The following ABCA13 variants were observed in gnomAD, a reference collection of about 807,000 sequenced individuals.
The protein encoded by ABCA13 is ATP-binding cassette sub-family A member 13.
A neutral mutation model predicts 478.7 loss-of-function variants in ABCA13; 476 were observed. The ratio of observed to expected loss-of-function variants is 0.99; its 90% CI spans 0.92 to 1.07. ABCA13 has a LOEUF of 1.07. Ranked by LOEUF, ABCA13 falls within the 50% of genes least tolerant of loss-of-function variation. ABCA13 has a pLI of 0.00. For missense variants in ABCA13, 6,060 were observed against 5,910.6 expected, an observed-to-expected ratio of 1.03 and a Z score of -0.83; for synonymous variants, 2,252 against 2,158.9, an observed-to-expected ratio of 1.04 and a Z score of -1.20.
intron 1 of ABCA13, among the ~76,000 whole-genome samples, chr7:48,180,249 C>G (rs551850943): frequency 1.3e-5 from 2 of 152,306 alleles, no homozygotes; most frequent in South Asian, 4.1e-4. Context: ...TCCAGCAGAG[C>G]CTTGAACTCC....
intron 27 of ABCA13, among the ~76,000 whole-genome samples, chr7:48,331,641 C>T (rs954587252): frequency 6.6e-6 from 1 of 152,180 alleles, no homozygotes; most frequent in African/African-American, 2.4e-5. Context: ...GTGTACCCTT[C>T]ACTGGGTTTC....
In ABCA13 at chr7:48,269,202, G is replaced by A. The variant is rs181040318; in HGVS notation, c.2120+108G>A. The A allele has an allele frequency of 8.7e-3, 5,463 of 626,374 alleles. 48 individuals carry two copies. The highest frequency in any genetic ancestry group is 0.016 in the South Asian group (758 of 48,226). 38.8% of individuals were successfully genotyped at this position (626,374 alleles called of 1,614,324 possible). A position where few individuals can be genotyped will look rare whatever the true frequency, so the allele number is the denominator to read the frequency against. On this transcript the variant is annotated intron_variant, in intron 16 of 61. Transcript: ENST00000435803. ...CTTTAAAATTTATGAGCCTGATTTA[G>A]ATATTGACACAATCTTTCATATGAG...
At position 48,387,860 on chromosome 7, in the gene ABCA13, A is replaced by G; in HGVS notation, c.11374A>G (p.Thr3792Ala). ...GLRKPWYFPF[T>A]ASYWKSVGFL... ...ACGGAAACCATGGTATTTCCCCTTT[A>G]CTGCCTCATATTGGAAGAGTGTGGG... The change falls in exon 36 of 62, where the codon ACT (threonine) becomes GCT (alanine). Residue 3792 changes from threonine to alanine, a missense_variant. Physicochemically the swap from Thr to Ala is moderately conservative, Grantham distance 58. Transcript: ENST00000435803. The G allele has an allele frequency of 1.2e-6, 2 of 1,608,874 alleles. No homozygotes were observed. The highest frequency in any genetic ancestry group is 8.5e-7 in the Non-Finnish European group (1 of 1,178,106).
At chr7:48,194,058 TG>T (rs376199192) in intron 2 of ABCA13, among the ~76,000 whole-genome samples, 9,403 of 18,010 alleles carry the variant, frequency 0.52, 4,699 homozygotes, top group Admixed American at 0.59. Flanking sequence ...GTGATGATGA[TG>T]ATGATGATGA....
intron 59 of ABCA13, among the ~76,000 whole-genome samples, chr7:48,633,193 C>G (rs986001174): frequency 3.9e-5 from 6 of 152,018 alleles, no homozygotes; most frequent in Non-Finnish European, 7.4e-5. Context: ...AGATAGATAG[C>G]TGTAGATATA....
chr7:48,453,744 C>T (rs1479704324), intron 42 of ABCA13, among the ~76,000 whole-genome samples: 1 of 152,210 alleles, frequency 6.6e-6, no homozygotes, highest in Non-Finnish European at 1.5e-5. Context: ...CAAGGACTCA[C>T]TCCTTGGTAC....
At chr7:48,287,002 T>C (rs919978793) in intron 19 of ABCA13, among the ~76,000 whole-genome samples, 4 of 152,184 alleles carry the variant, frequency 2.6e-5, no homozygotes, top group Admixed American at 2.6e-4. Context: ...ATAAGAAAAT[T>C]TGCCCGTGGC....
intron 29 of ABCA13, among the ~76,000 whole-genome samples, chr7:48,340,831 T>TA (rs141397555): frequency 0.033 from 5,035 of 152,334 alleles, 178 homozygotes; most frequent in East Asian, 0.15. Flanking sequence ...TATTGACTGT[T>TA]ACTAAGAAAA....
In ABCA13 at chr7:48,274,453, C is replaced by T. The variant is rs761400417; in HGVS notation, c.4787C>T (p.Ser1596Phe). ...KEKDVNSVGNSIYHLASYLAF... is the reference protein window; with the variant it reads ...KEKDVNSVGNFIYHLASYLAF... ...AAGGATGTAAACAGTGTAGGCAATT[C>T]CATTTATCACTTAGCTAGTTACCTT... is the stretch of plus-strand genomic sequence containing the variant. The change falls in exon 17 of 62, where the codon TCC becomes TTC. Residue 1596 changes from serine to phenylalanine, a missense_variant. Around this residue, in one of 3 missense-constraint regions of ABCA13, gnomAD observed 4,423 missense variants for 4,309.1 expected, o/e 1.03. Transcript: ENST00000435803. 1 of 1,613,648 alleles carries T rather than the reference C, an allele frequency of 6.2e-7. No homozygotes were observed. Among genetic ancestry groups the T allele is most frequent in the African/African-American group, 1.3e-5 (1 of 74,898 alleles).
chr7:48,432,170 T>C (rs368582611), intron 42 of ABCA13, among the ~76,000 whole-genome samples: 2 of 152,208 alleles, frequency 1.3e-5, no homozygotes, highest in African/African-American at 4.8e-5. Flanking sequence ...CCTGAATAGA[T>C]AGACATTTCT....
rs1328304614 is a variant in ABCA13, at chr7:48,310,125, G to A, written c.9500G>A (p.Arg3167Gln). ...TTGCTGAGTCGAAACTTGGATGTGCGAGCTTTCATTTACAAGGTATGGAGA... is the reference window on the plus strand; with the variant it reads ...TTGCTGAGTCGAAACTTGGATGTGCAAGCTTTCATTTACAAGGTATGGAGA... The part of the protein sequence containing the change: ...IVLLSRNLDV[R>Q]AFIYKTLMPS... The change falls in exon 24 of 62, where the codon CGA becomes CAA. Residue 3167 changes from arginine (R) to glutamine (Q), a missense_variant. Around this residue, in one of 3 missense-constraint regions of ABCA13, gnomAD observed 4,423 missense variants for 4,309.1 expected, o/e 1.03. Coordinates refer to ENST00000435803, the MANE Select transcript of ABCA13 (RefSeq NM_152701.5). The A allele has an allele frequency of 5.6e-6, 9 of 1,610,186 alleles. No individual in the cohort carries two copies. Among genetic ancestry groups the A allele is most frequent in the Non-Finnish European group, 7.6e-6 (9 of 1,177,672 alleles).
intron 4 of ABCA13, among the ~76,000 whole-genome samples, chr7:48,219,883 AAC>A (rs3065570): frequency 0.14 from 17,371 of 126,242 alleles, 1,115 homozygotes; most frequent in African/African-American, 0.19. Flanking sequence ...ACCTTCCCCA[AAC>A]ACACACACAC....
chr7:48,570,583 A>G (rs957672125), intron 55 of ABCA13, among the ~76,000 whole-genome samples: 5 of 151,968 alleles, frequency 3.3e-5, no homozygotes, highest in African/African-American at 1.2e-4. Flanking sequence ...TCGGCCTCCC[A>G]AAGTGCTGGT....
In ABCA13 at chr7:48,410,542, C is replaced by T. The variant is rs578090552; in HGVS notation, c.12093C>T (p.Thr4031=). ...CAGGTCGTACGATCATCTTCACAAC[C>T]CACCACCTGGATGAAGCTGAAGCGC... ...YREGRTIIFT[T]HHLDEAEALS... is the part of the protein sequence containing the mutation. The change falls in exon 40 of 62, where the codon ACC becomes ACT. Residue 4031 remains threonine, a synonymous_variant. Transcript: ENST00000435803. The T allele has an allele frequency of 6.2e-7, 1 of 1,614,030 alleles. No homozygotes were observed. The highest frequency in any genetic ancestry group is 1.7e-5 in the Admixed American group (1 of 60,024).
At chr7:48,224,453 A>G (rs1373282675) in intron 5 of ABCA13, among the ~76,000 whole-genome samples, 1 of 152,190 alleles carries the variant, frequency 6.6e-6, no homozygotes, top group African/African-American at 2.4e-5. Flanking sequence ...TCAAGCCAGC[A>G]TGGCCTGTGC....
intron 54 of ABCA13, among the ~76,000 whole-genome samples, chr7:48,526,021 G>A (rs1832868959): frequency 6.6e-6 from 1 of 152,054 alleles, no homozygotes; most frequent in African/African-American, 2.4e-5. Flanking sequence ...TTGTGGGTGT[G>A]GGGCAGGACC....
chr7:48,422,075 A>G (rs1350965637), intron 41 of ABCA13, among the ~76,000 whole-genome samples: 2 of 126,852 alleles, frequency 1.6e-5, no homozygotes, highest in African/African-American at 6.3e-5. Flanking sequence ...AAAAAAAAAA[A>G]AAAAAAAAAG....
intron 1 of ABCA13, among the ~76,000 whole-genome samples, chr7:48,186,829 T>A (rs1297154488): frequency 6.6e-6 from 1 of 152,044 alleles, no homozygotes; most frequent in Non-Finnish European, 1.5e-5. Context: ...CTGTCGTTTC[T>A]AGTCAGCATA....
chr7:48,213,519 G>A (rs1276373751), intron 3 of ABCA13, among the ~76,000 whole-genome samples: 1 of 152,174 alleles, frequency 6.6e-6, no homozygotes, highest in Non-Finnish European at 1.5e-5. Flanking sequence ...TGTTGCCGAT[G>A]ACTGCTGACT....
Sources: gnomAD v4.1 joint callset for allele counts (sites outside exome capture counted in the v4.1 genomes callset) on GRCh38, gnomAD v4.1.1 for gene constraint, gnomAD v4.1.1 regional missense constraint, MANE v1.5 for transcripts, NCBI Gene and HGNC (gene_info 2026-07-23, HGNC 2026-07-21) for gene names.